The following C13orf46 variants were observed in gnomAD, a reference collection of about 807,000 sequenced individuals.
C13orf46 encodes the protein uncharacterized protein C13orf46.
downstream of C13orf46, among the ~76,000 whole-genome samples, chr13:113,950,389 A>G (rs1294881460): frequency 8.4e-6 from 1 of 118,680 alleles, no homozygotes; most frequent in Non-Finnish European, 1.8e-5. Context: ...CATCTGGAGA[A>G]TATGGTCATC....
chr13:113,947,108 G>A, the C13orf46 span, among the ~76,000 whole-genome samples: 8 of 152,372 alleles, frequency 5.3e-5, no homozygotes, highest in South Asian at 2.1e-4. Flanking sequence ...GAGGTGGAGC[G>A]GGAAGCCTGA....
At chr13:113,959,668 T>C (rs2052572190) in intron 6 of C13orf46, among the ~76,000 whole-genome samples, 1 of 152,256 alleles carries the variant, frequency 6.6e-6, no homozygotes, top group African/African-American at 2.4e-5. Context: ...TGGCCCACTC[T>C]TTTGCTTATT....
rs898143240 is a variant in C13orf46, at chr13:113,962,637, G to A, written c.572+2290C>T. On this transcript the variant is annotated intron_variant, in intron 6 of 6. Transcript: ENST00000636427. Reference sequence around the variant, plus strand: ...CAAACCTAAGAAGCCACGTCAGCTCGTTTCTGCTGGCAGCTCTCCCCACTG... The same window carrying A: ...CAAACCTAAGAAGCCACGTCAGCTCATTTCTGCTGGCAGCTCTCCCCACTG... 1.8e-4 allele frequency among the ~76,000 whole-genome samples: 28 copies of A among 152,306 alleles called. No homozygotes were observed. In the South Asian group the frequency reaches 3.9e-3, roughly 21 times the overall value.
chr13:113,950,402 C>G (rs1053172279), downstream of C13orf46, among the ~76,000 whole-genome samples: 1 of 145,310 alleles, frequency 6.9e-6, no homozygotes, highest in African/African-American at 2.6e-5. Flanking sequence ...TGGTCATCAC[C>G]CCCACCTTGG....
chr13:113,945,577 G>GAAAGAAAGAAAGAAAGAAAGAA, the C13orf46 span, among the ~76,000 whole-genome samples: 6 of 127,416 alleles, frequency 4.7e-5, no homozygotes, highest in African/African-American at 1.5e-4. Flanking sequence ...AAGAAAGAAA[G>GAAAGAAAGAAAGAAAGAAAGAA]AGAGAGAGAG....
At chr13:113,953,267 C>T (rs2052496698), downstream of C13orf46, among the ~76,000 whole-genome samples, 3 of 152,286 alleles carry the variant, frequency 2.0e-5, no homozygotes, top group Admixed American at 2.0e-4. Context: ...GGGCGTGTGC[C>T]TGCGCCACGG....
intron 6 of C13orf46, among the ~76,000 whole-genome samples, chr13:113,961,058 A>G (rs974822002): frequency 2.0e-5 from 3 of 152,202 alleles, no homozygotes; most frequent in African/African-American, 7.2e-5. Flanking sequence ...TGGTTAAATG[A>G]GTGACTATTA....
the C13orf46 span, among the ~76,000 whole-genome samples, chr13:113,937,603 A>C: frequency 1.3e-5 from 2 of 152,156 alleles, no homozygotes; most frequent in Non-Finnish European, 1.5e-5. Flanking sequence ...CAGCCTCCGG[A>C]GGTCCTGACA....
intron 2 of C13orf46, among the ~76,000 whole-genome samples, chr13:113,969,827 G>C (rs1014456853): frequency 6.6e-6 from 1 of 152,176 alleles, no homozygotes; most frequent in Non-Finnish European, 1.5e-5. Context: ...GGGCCCAGCA[G>C]TCCACTAGTG....
intron 1 of C13orf46, 113 bp downstream of exon 1, chr13:113,973,695 G>C (rs2052733404): frequency 6.6e-6 from 1 of 152,280 alleles, no homozygotes; most frequent in Non-Finnish European, 1.5e-5. Flanking sequence ...CTAACCTTGG[G>C]AACTTCCTAG....
the C13orf46 span, among the ~76,000 whole-genome samples, chr13:113,944,221 C>T: frequency 1.3e-5 from 2 of 152,172 alleles, no homozygotes; most frequent in Non-Finnish European, 2.9e-5. Context: ...CAGACCCCTC[C>T]AGGTCACCTG....
chr13:113,945,349 T>C, the C13orf46 span, among the ~76,000 whole-genome samples: 1 of 151,790 alleles, frequency 6.6e-6, no homozygotes, highest in Non-Finnish European at 1.5e-5. Flanking sequence ...ATAGAGACCA[T>C]CCTGGCTAAC....
intron 6 of C13orf46, among the ~76,000 whole-genome samples, chr13:113,958,992 T>C (rs1210200347): frequency 6.6e-6 from 1 of 152,146 alleles, no homozygotes; most frequent in Non-Finnish European, 1.5e-5. Flanking sequence ...TGAAAGATAC[T>C]AGGGGCCAGG....
chr13:113,939,010 C>A, the C13orf46 span, among the ~76,000 whole-genome samples: 1 of 152,138 alleles, frequency 6.6e-6, no homozygotes. Flanking sequence ...CAGCCAGCTC[C>A]TCCCACGATC....
chr13:113,965,796 G>T (rs1029780082), intron 5 of C13orf46, among the ~76,000 whole-genome samples: 2 of 144,152 alleles, frequency 1.4e-5, no homozygotes, highest in Non-Finnish European at 3.0e-5. Context: ...TAATTATAAT[G>T]GTGGTGATGA....
the C13orf46 span, among the ~76,000 whole-genome samples, chr13:113,935,052 C>T: frequency 6.6e-6 from 1 of 152,260 alleles, no homozygotes; most frequent in Non-Finnish European, 1.5e-5. Context: ...AGGCATTCCT[C>T]CCTCTTCTGG....
chr13:113,932,244 G>A, the C13orf46 span, among the ~76,000 whole-genome samples: 3 of 152,212 alleles, frequency 2.0e-5, no homozygotes, highest in South Asian at 2.1e-4. Context: ...TTCTGTGGAC[G>A]TTCCCAGAAC....
chr13:113,945,575 A>AAGAAAGAAAG, the C13orf46 span, among the ~76,000 whole-genome samples: 3,070 of 88,094 alleles, frequency 0.035, 172 homozygotes, highest in Non-Finnish European at 0.05. Context: ...GAAAGAAAGA[A>AAGAAAGAAAG]AGAGAGAGAG....
downstream of C13orf46, among the ~76,000 whole-genome samples, chr13:113,950,958 G>A (rs2052486444): frequency 1.3e-5 from 2 of 152,228 alleles, no homozygotes; most frequent in African/African-American, 4.8e-5. Context: ...AAGGCCGGGC[G>A]TTCAGAGGAA....
Sources: gnomAD v4.1 joint callset for allele counts (sites outside exome capture counted in the v4.1 genomes callset) on GRCh38, gnomAD v4.1.1 for gene constraint, MANE v1.5 for transcripts, NCBI Gene and HGNC (gene_info 2026-07-23, HGNC 2026-07-21) for gene names.